Variants in STARD13 observed in about 807,000 individuals in gnomAD.
STARD13 encodes StAR related lipid transfer domain containing 13, also known as stAR-related lipid transfer protein 13.
STARD13 carries 62 observed loss-of-function variants against 106.4 expected under a neutral mutation model. That is an observed-to-expected ratio of 0.58 (90% CI 0.48 to 0.72). The LOEUF (loss-of-function observed/expected upper bound fraction) is 0.72. STARD13 is among the 30% of genes least tolerant of loss of function. The pLI is 0.00. For missense variants in STARD13, 1,387 were observed against 1,424.0 expected, an observed-to-expected ratio of 0.97 and a Z score of 0.42; for synonymous variants, 565 against 553.0, an observed-to-expected ratio of 1.02 and a Z score of -0.31.
the STARD13 span, among the ~76,000 whole-genome samples, chr13:33,445,795 G>A: frequency 2.6e-5 from 4 of 151,982 alleles, no homozygotes; most frequent in East Asian, 1.9e-4. Flanking sequence ...TCTTTTTAAC[G>A]ACCAGCTTTC....
At position 33,106,820 on chromosome 13, in the gene STARD13, G is replaced by C; in HGVS notation, c.3162C>G (p.Tyr1054Ter). The C allele has an allele frequency of 6.2e-7, 1 of 1,614,158 alleles. No individual in the cohort carries two copies. The highest frequency in any genetic ancestry group is 8.5e-7 in the Non-Finnish European group (1 of 1,180,012). ...GVRAVVMDSQYLIEPCGSGKS... is the reference protein window; with the variant it reads ...GVRAVVMDSQ ...TGCCAGAGCCACACGGTTCTATCAA[G>C]TACTGCGAGTCCATCACCACTGCTC... Residue 1054 changes from tyrosine to a stop codon, truncating the protein, a stop_gained, in exon 13 of 14, where the codon TAC becomes TAG. Transcript: ENST00000336934. LOFTEE classifies it high-confidence loss of function.
the STARD13 span, among the ~76,000 whole-genome samples, chr13:33,478,725 G>A: frequency 6.6e-6 from 1 of 152,068 alleles, no homozygotes; most frequent in East Asian, 1.9e-4. Flanking sequence ...AGACCAGCTT[G>A]GGCAGCATGG....
At chr13:33,343,820 A>G (rs1713748937), downstream of STARD13, among the ~76,000 whole-genome samples, 1 of 151,750 alleles carries the variant, frequency 6.6e-6, no homozygotes, top group African/African-American at 2.4e-5. Context: ...TCTCCTGTAG[A>G]ACCAAATCAA....
the STARD13 span, among the ~76,000 whole-genome samples, chr13:33,403,207 G>A: frequency 6.1e-4 from 93 of 152,302 alleles, 2 homozygotes; most frequent in African/African-American, 4.8e-4. Flanking sequence ...GAGCAACAAC[G>A]ATGACCGAAC....
At chr13:33,561,682 A>G in the STARD13 span, among the ~76,000 whole-genome samples, 20,439 of 125,692 alleles carry the variant, frequency 0.16, 3,816 homozygotes, top group East Asian at 0.38. Flanking sequence ...TCCTAAATTA[A>G]TTGCTTTGTA....
At chr13:33,652,222 GACATTTGT>G in the STARD13 span, among the ~76,000 whole-genome samples, 2 of 152,208 alleles carry the variant, frequency 1.3e-5, no homozygotes, top group African/African-American at 4.8e-5. Flanking sequence ...TTTTGGTTAT[GACATTTGT>G]ACAGATATTC....
At chr13:33,205,517 A>C (rs762414596) in intron 1 of STARD13, among the ~76,000 whole-genome samples, 2 of 152,146 alleles carry the variant, frequency 1.3e-5, no homozygotes, top group Admixed American at 1.3e-4. Flanking sequence ...TAGAGAGAGA[A>C]GGAAGGAAGG....
chr13:33,156,812 T>C (rs1026366909), intron 3 of STARD13, among the ~76,000 whole-genome samples: 4 of 152,214 alleles, frequency 2.6e-5, no homozygotes, highest in African/African-American at 9.7e-5. Flanking sequence ...TTTGTAAGTG[T>C]TTTAAAGAAA....
chr13:33,578,990 C>CA, the STARD13 span, among the ~76,000 whole-genome samples: 73 of 151,490 alleles, frequency 4.8e-4, no homozygotes, highest in Admixed American at 1.1e-3. Context: ...GTTAACAAGT[C>CA]AAAAAAAACA....
chr13:33,343,226 A>G (rs1213568327), intron 1 of STARD13, among the ~76,000 whole-genome samples: 4 of 151,936 alleles, frequency 2.6e-5, no homozygotes, highest in Non-Finnish European at 4.4e-5. Context: ...GCTCAGATCA[A>G]AACCCTAAAA....
the STARD13 span, among the ~76,000 whole-genome samples, chr13:33,566,917 T>C: frequency 2.0e-5 from 3 of 148,212 alleles, no homozygotes; most frequent in African/African-American, 7.4e-5. Context: ...CAAATACTTG[T>C]ATTTTGGCTT....
In STARD13 at chr13:33,133,208, T is replaced by C. The variant is rs113770956; in HGVS notation, c.388-2919A>G. On this transcript the variant is annotated intron_variant, in intron 4 of 13. Transcript: ENST00000336934. ...CTAGTTGGATAGGGACTCCTTTATT[T>C]AGGTTAAGAACACATGCCAAGCTGG... Among the ~76,000 whole-genome samples, 788 of 152,232 alleles carry C rather than the reference T, an allele frequency of 5.2e-3. 7 individuals are homozygous for C. Among genetic ancestry groups the C allele is most frequent in the African/African-American group, 0.018 (744 of 41,530 alleles).
At chr13:33,307,941 T>C (rs556614342) in intron 1 of STARD13, among the ~76,000 whole-genome samples, 1 of 152,352 alleles carries the variant, frequency 6.6e-6, no homozygotes, top group African/African-American at 2.4e-5. Flanking sequence ...GTTTCCTTAC[T>C]AGTCAATTTT....
chr13:33,153,810 C>T (rs577146537), intron 3 of STARD13, among the ~76,000 whole-genome samples: 5 of 152,338 alleles, frequency 3.3e-5, no homozygotes, highest in African/African-American at 1.2e-4. Flanking sequence ...TCAACTCTTA[C>T]AGACAATTCT....
chr13:33,204,568 G>T (rs555064900), intron 1 of STARD13, among the ~76,000 whole-genome samples: 1 of 152,148 alleles, frequency 6.6e-6, no homozygotes, highest in African/African-American at 2.4e-5. Context: ...GTCAGTAACG[G>T]CATAATCTCA....
the STARD13 span, among the ~76,000 whole-genome samples, chr13:33,594,201 C>T: frequency 2.0e-5 from 3 of 152,094 alleles, no homozygotes; most frequent in Non-Finnish European, 4.4e-5. Context: ...ATGAATAGCA[C>T]CTACTTCTAA....
At chr13:33,554,840 G>A in the STARD13 span, among the ~76,000 whole-genome samples, 1 of 152,174 alleles carries the variant, frequency 6.6e-6, no homozygotes, top group Admixed American at 6.5e-5. Flanking sequence ...TCCAGTAAAT[G>A]TTGGGGTTGG....
At chr13:33,350,216 C>A (rs1265856886) in intron 1 of STARD13, 4 of 1,444,688 alleles carry the variant, frequency 2.8e-6, no homozygotes, top group South Asian at 2.9e-5. Flanking sequence ...CAGAGGAGGG[C>A]GGCGGGCCCG....
chr13:33,469,518 C>T, the STARD13 span, among the ~76,000 whole-genome samples: 1 of 152,140 alleles, frequency 6.6e-6, no homozygotes, highest in Non-Finnish European at 1.5e-5. Flanking sequence ...AAATAACTTA[C>T]ATTTCACCGA....
Sources: allele counts gnomAD v4.1 joint callset (sites outside exome capture counted in the v4.1 genomes callset), GRCh38; gene constraint gnomAD v4.1.1; transcripts MANE v1.5; gene names NCBI Gene and HGNC (gene_info 2026-07-23, HGNC 2026-07-21).